SMOX: variants seen among roughly 807,000 people sequenced by gnomAD.
The protein encoded by SMOX is spermine oxidase.
A neutral mutation model predicts 51.0 loss-of-function variants in SMOX; 22 were observed. The observed-to-expected ratio is 0.43, with a 90% CI of 0.31 to 0.62. The LOEUF (loss-of-function observed/expected upper bound fraction) is 0.62. Among genes scored for constraint, SMOX ranks in the 20% least tolerant of loss-of-function variants. SMOX has a pLI of 0.10. For missense variants in SMOX, 566 were observed against 777.7 expected, an observed-to-expected ratio of 0.73 and a Z score of 3.24; for synonymous variants, 282 against 307.8, an observed-to-expected ratio of 0.92 and a Z score of 0.88.
rs1979474823 is a variant in SMOX, at chr20:4,183,099, C to T, written c.1369+251C>T. ...TTCTAAAGGCTGATGGTAAAACACT[C>T]AGAGATCACCGCCCATTGTGCTCTG... On this transcript the variant is annotated intron_variant, in intron 5 of 6. Coordinates refer to ENST00000305958, the MANE Select transcript of SMOX (RefSeq NM_175839.3). This position sits in a 1 kb window ranked among gnomAD's most constrained non-coding sequence, Gnocchi z 4.3. 1 of 601,016 alleles carries T rather than the reference C, an allele frequency of 1.7e-6. No individual in the cohort carries two copies. Among genetic ancestry groups the T allele is most frequent in the Non-Finnish European group, 2.9e-6 (1 of 345,418 alleles). The allele number at this position is 601,016 out of a possible 1,614,324, so 37.2% of individuals were successfully genotyped here.
chr20:4,178,926 G>A (rs951470853), intron 3 of SMOX, among the ~76,000 whole-genome samples: 8 of 152,010 alleles, frequency 5.3e-5, no homozygotes, highest in African/African-American at 1.4e-4. Context: ...CAGGTGATCC[G>A]CCCACCTTGG....
intron 1 of SMOX, among the ~76,000 whole-genome samples, chr20:4,154,665 A>G (rs1250247332): frequency 6.6e-6 from 1 of 152,094 alleles, no homozygotes; most frequent in Admixed American, 6.5e-5. Flanking sequence ...GCCTGGCCTG[A>G]GACTGCATTT....
intron 1 of SMOX, among the ~76,000 whole-genome samples, chr20:4,159,560 G>A (rs1218175634): frequency 6.6e-6 from 1 of 152,156 alleles, no homozygotes; most frequent in Non-Finnish European, 1.5e-5. Flanking sequence ...TGAGGATTGA[G>A]GTATTCCACA....
chr20:4,163,711 G>T (rs1986436772), intron 1 of SMOX, among the ~76,000 whole-genome samples: 1 of 152,162 alleles, frequency 6.6e-6, no homozygotes, highest in South Asian at 2.1e-4. Context: ...TTCCAAGATG[G>T]TGTGCTCACA....
rs974995127 is a variant in SMOX, at chr20:4,166,115, G to T, written c.-26-8915G>T. On this transcript the variant is annotated intron_variant, in intron 1 of 6. Coordinates refer to ENST00000305958, the MANE Select transcript of SMOX (RefSeq NM_175839.3). This position sits in a 1 kb window ranked among gnomAD's most constrained non-coding sequence, Gnocchi z 4.2. ...TTGTGCCTAGCGCCTGATCTAATCT[G>T]TTGTCAGAGTGTGATCTATTGTCAG... Among the ~76,000 whole-genome samples, 5 of 150,816 alleles carry T rather than the reference G, an allele frequency of 3.3e-5. No individual in the cohort carries two copies. The highest frequency in any genetic ancestry group is 6.6e-5 in the Admixed American group (1 of 15,154).
At position 4,175,694 on chromosome 20, in the gene SMOX, G is replaced by A. The variant is rs185749084; in HGVS notation, c.208+431G>A. Among the ~76,000 whole-genome samples, 312 of 152,240 alleles carry A rather than the reference G, an allele frequency of 2.0e-3. 5 individuals are homozygous for A. The highest frequency in any genetic ancestry group is 2.8e-4 in the Non-Finnish European group (19 of 68,022). Reference sequence around the variant, plus strand: ...GATCCTGGGTTAGCAGAGATGAAAGGGGATTTTGGGCCTCCATGTGTGTGA... The same window carrying A: ...GATCCTGGGTTAGCAGAGATGAAAGAGGATTTTGGGCCTCCATGTGTGTGA... On this transcript the variant is annotated intron_variant, in intron 2 of 6. Transcript: ENST00000305958.
chr20:4,156,255 C>T (rs1628323), intron 1 of SMOX, among the ~76,000 whole-genome samples: 71,231 of 151,922 alleles, frequency 0.47, 16,968 homozygotes, highest in Admixed American at 0.53. Flanking sequence ...TCCCACCCAC[C>T]AGGAAAACAC....
At position 4,149,352 on chromosome 20, in the gene SMOX, C is replaced by T. The variant is rs1255229884; in HGVS notation, c.-27+375C>T. On this transcript the variant is annotated intron_variant, in intron 1 of 6. Transcript: ENST00000305958. This position sits in a 1 kb window ranked among gnomAD's most constrained non-coding sequence, Gnocchi z 6.0. ...GTCCCGGGCGCCCTGCAGGCGCGCT[C>T]CGTGGGCGCAGACAAAGCCGGGCGC... 2.0e-5 allele frequency among the ~76,000 whole-genome samples: 3 copies of T among 151,628 alleles called. No homozygotes were observed. Among genetic ancestry groups the T allele is most frequent in the Non-Finnish European group, 1.5e-5 (1 of 67,822 alleles).
rs11552911 is a variant in SMOX, at chr20:4,177,517, C to A, written c.375C>A (p.Thr125=). 0.072 allele frequency: 114,580 copies of A among 1,594,620 alleles called. 4,691 individuals are homozygous for A. Among genetic ancestry groups the A allele is most frequent in the South Asian group, 0.12 (10,627 of 88,014 alleles). The part of the protein sequence containing the change: ...YSKNGVACYL[T]NHGRRIPKDV... ...AGAATGGCGTGGCCTGCTACCTTAC[C>A]AACCACGGCCGCAGGATCCCCAAGG... is the stretch of plus-strand genomic sequence containing the variant. The change falls in exon 3 of 7, where the codon ACC becomes ACA. Residue 125 remains threonine, a synonymous_variant. Coordinates refer to ENST00000305958, the MANE Select transcript of SMOX (RefSeq NM_175839.3). This position sits in a 1 kb window ranked among gnomAD's most constrained non-coding sequence, Gnocchi z 4.3.
rs1979490759 is a variant in SMOX, at chr20:4,183,315, G to T, written c.1370-179G>T. 2.1e-5 allele frequency: 17 copies of T among 818,362 alleles called. No individual in the cohort carries two copies. The South Asian group carries it at 2.3e-4, about 11-fold the overall frequency. 50.7% of individuals were successfully genotyped at this position (818,362 alleles called of 1,614,324 possible). The stretch of plus-strand genomic sequence containing the variant: ...CCGGGGGTCACAGGAGGCGCTGAGT[G>T]GGTACACAGCTCGAGCCCCAGCCTC... On this transcript the variant is annotated intron_variant, in intron 5 of 6. Coordinates refer to ENST00000305958, the MANE Select transcript of SMOX (RefSeq NM_175839.3). This position sits in a 1 kb window ranked among gnomAD's most constrained non-coding sequence, Gnocchi z 4.3.
At position 4,177,553 on chromosome 20, in the gene SMOX, G is replaced by A. The variant is rs111762571; in HGVS notation, c.411G>A (p.Glu137=). 2 of 1,592,220 alleles carry A rather than the reference G, an allele frequency of 1.3e-6. No homozygotes were observed. Among genetic ancestry groups the A allele is most frequent in the Non-Finnish European group, 1.7e-6 (2 of 1,168,338 alleles). Residue 137 remains glutamate, a synonymous_variant, in exon 3 of 7, where the codon GAG becomes GAA. Coordinates refer to ENST00000305958, the MANE Select transcript of SMOX (RefSeq NM_175839.3). This position sits in a 1 kb window ranked among gnomAD's most constrained non-coding sequence, Gnocchi z 4.3. The part of the protein sequence containing the change: ...HGRRIPKDVV[E]EFSDLYNEVY... The stretch of plus-strand genomic sequence containing the variant: ...GCAGGATCCCCAAGGACGTGGTTGA[G>A]GAATTCAGCGATTTATACAACGAGG...
At chr20:4,157,819 G>A (rs1001673066) in intron 1 of SMOX, among the ~76,000 whole-genome samples, 18 of 152,102 alleles carry the variant, frequency 1.2e-4, no homozygotes, top group Non-Finnish European at 2.4e-4. Flanking sequence ...ACCCTGCCTC[G>A]CCTCTGCCAC....
intron 1 of SMOX, among the ~76,000 whole-genome samples, chr20:4,160,318 A>C (rs371180976): frequency 1.4e-4 from 21 of 152,164 alleles, no homozygotes; most frequent in African/African-American, 4.8e-4. Flanking sequence ...GTGTGTGCAT[A>C]TCAGTATGTG....
chr20:4,149,458 G>A lies in SMOX; in HGVS notation c.-27+481G>A, dbSNP rs1985616842. 6.6e-6 allele frequency among the ~76,000 whole-genome samples: 1 copy of A among 152,044 alleles called. No homozygotes were observed. Among genetic ancestry groups the A allele is most frequent in the South Asian group, 2.1e-4 (1 of 4,830 alleles). ...AAGGCTCCCGGGTGATGGCCCGAAC[G>A]CCAGGAGAGGCTGTGCTGACTTCCC... On this transcript the variant is annotated intron_variant, in intron 1 of 6. Transcript: ENST00000305958. This position sits in a 1 kb window ranked among gnomAD's most constrained non-coding sequence, Gnocchi z 6.0.
At position 4,158,117 on chromosome 20, in the gene SMOX, G is replaced by A. The variant is rs186268792; in HGVS notation, c.-27+9140G>A. Reference sequence around the variant, plus strand: ...GTGTTTCACCTTGTTAGCCAGGATGGTCTCGATCTCCTGACCTCGTGATCC... The same window carrying A: ...GTGTTTCACCTTGTTAGCCAGGATGATCTCGATCTCCTGACCTCGTGATCC... On this transcript the variant is annotated intron_variant, in intron 1 of 6. Coordinates refer to ENST00000305958, the MANE Select transcript of SMOX (RefSeq NM_175839.3). Among the ~76,000 whole-genome samples the A allele has an allele frequency of 5.8e-4, 88 of 150,558 alleles. 3 individuals carry two copies. In the East Asian group the frequency reaches 0.013, roughly 22 times the overall value.
intron 6 of SMOX, among the ~76,000 whole-genome samples, chr20:4,185,746 A>G (rs1207232850): frequency 2.8e-5 from 3 of 108,422 alleles, no homozygotes; most frequent in Non-Finnish European, 5.0e-5. Context: ...ATACAAAATT[A>G]GCCAGGCATG....
intron 1 of SMOX, among the ~76,000 whole-genome samples, chr20:4,171,012 C>G (rs938679584): frequency 3.9e-5 from 6 of 152,178 alleles, no homozygotes; most frequent in African/African-American, 1.4e-4. Flanking sequence ...GGCTCACACC[C>G]CCACTTTGCC....
Position 4,167,027 on chromosome 20 carries a change from G to A in SMOX, c.-26-8003G>A, listed in dbSNP as rs1455710431. Among the ~76,000 whole-genome samples the A allele has an allele frequency of 6.6e-6, 1 of 152,212 alleles. No homozygotes were observed. Among genetic ancestry groups the A allele is most frequent in the African/African-American group, 2.4e-5 (1 of 41,452 alleles). On this transcript the variant is annotated intron_variant, in intron 1 of 6. Transcript: ENST00000305958. The surrounding 1 kb of genome is among the most constrained non-coding windows in gnomAD (Gnocchi z 4.8). ...AGGGCCAGGGGACATTGCTGGGGGC[G>A]GGGGCTCTGCTGAAAGAGGCTCCCA...
chr20:4,151,826 G>T (rs1568727508), intron 1 of SMOX, among the ~76,000 whole-genome samples: 1 of 152,148 alleles, frequency 6.6e-6, no homozygotes, highest in Non-Finnish European at 1.5e-5. Flanking sequence ...CTTCTTAAGG[G>T]CCGGAACCTT....
Sources: allele counts gnomAD v4.1 joint callset (sites outside exome capture counted in the v4.1 genomes callset), GRCh38; gene constraint gnomAD v4.1.1; non-coding constraint Gnocchi (gnomAD v3.1); transcripts MANE v1.5; gene names NCBI Gene and HGNC (gene_info 2026-07-23, HGNC 2026-07-21).